Variants in BMPR2 observed in about 807,000 individuals in gnomAD.
The protein encoded by BMPR2 is bone morphogenetic protein receptor type 2.
BMPR2 carries 29 observed loss-of-function variants against 100.8 expected under a neutral mutation model. The observed-to-expected ratio is 0.29, with a 90% CI of 0.21 to 0.39. BMPR2 has a LOEUF of 0.39. Ranked by LOEUF, BMPR2 falls within the 10% of genes least tolerant of loss-of-function variation. The pLI is 1.00. For missense variants in BMPR2, 1,011 were observed against 1,274.5 expected, an observed-to-expected ratio of 0.79 and a Z score of 3.15; for synonymous variants, 382 against 442.3, an observed-to-expected ratio of 0.86 and a Z score of 1.71.
At chr2:202,432,279 A>G (rs1181359325) in intron 1 of BMPR2, among the ~76,000 whole-genome samples, 1 of 150,892 alleles carries the variant, frequency 6.6e-6, no homozygotes, top group Non-Finnish European at 1.5e-5. Context: ...ACATATAAGC[A>G]GAAAAGTAAT....
At chr2:202,513,866 A>C in intron 4 of BMPR2, 37 bp downstream of exon 4, 1 of 1,449,974 alleles carries the variant, frequency 6.9e-7, no homozygotes, top group Non-Finnish European at 9.7e-7. Flanking sequence ...TGTTTATTAA[A>C]CATGCAATTT....
Position 202,556,410 on chromosome 2 carries a change from T to TTG in BMPR2, c.2745_2746insTG (p.Leu916CysfsTer42). 1 of 1,614,174 alleles carries TTG rather than the reference T, an allele frequency of 6.2e-7. No homozygotes were observed. The highest frequency in any genetic ancestry group is 8.5e-7 in the Non-Finnish European group (1 of 1,180,032). On this transcript the variant is annotated frameshift_variant, in exon 12 of 13. Coordinates refer to ENST00000374580, the MANE Select transcript of BMPR2 (RefSeq NM_001204.7). LOFTEE classifies it high-confidence loss of function. Reference sequence around the variant, plus strand: ...GCAATCCATGTTCAGAACAAGATGTTCTTGCACAGGGTGTTCCAAGCACAG... The same window carrying TTG: ...GCAATCCATGTTCAGAACAAGATGTTTGCTTGCACAGGGTGTTCCAAGCACAG...
At position 202,555,862 on chromosome 2, in the gene BMPR2, T is replaced by A. The variant is rs1688559002; in HGVS notation, c.2197T>A (p.Leu733Met). ...ACAGACTGCAAATGGCCAAGCATGT[T>A]TGATTCCTGATGTTCTGCCTACTCA... ...FTQTANGQACLIPDVLPTQIY... is the reference protein window; with the variant it reads ...FTQTANGQACMIPDVLPTQIY... Residue 733 changes from leucine (L) to methionine (M), a missense_variant, in exon 12 of 13, where the codon TTG (leucine) becomes ATG (methionine). Leu to Met is a conservative substitution (Grantham distance 15). Around this residue, in one of 6 missense-constraint regions of BMPR2, gnomAD observed 508 missense variants for 552.0 expected, o/e 0.92. Transcript: ENST00000374580. 7 of 1,614,174 alleles carry A rather than the reference T, an allele frequency of 4.3e-6. No individual in the cohort carries two copies. Among genetic ancestry groups the A allele is most frequent in the Non-Finnish European group, 5.9e-6 (7 of 1,180,036 alleles).
At chr2:202,419,769 C>T (rs765927576) in intron 1 of BMPR2, among the ~76,000 whole-genome samples, 31 of 152,174 alleles carry the variant, frequency 2.0e-4, no homozygotes, top group Non-Finnish European at 4.0e-4. Context: ...AAGAAAACAG[C>T]GTCTTGTTGA....
At position 202,567,351 on chromosome 2, in the gene BMPR2, G is replaced by C. The variant is rs765547716; in HGVS notation, c.*7405G>C. On this transcript the variant is annotated 3_prime_UTR_variant, in exon 13 of 13. Transcript: ENST00000374580. ...CCTCAGAACCCTCTTTCTTGTTAAC[G>C]GGTATCTTTTGTTGGTGTGTTTTGC... is the stretch of plus-strand genomic sequence containing the variant. 3 of 152,520 alleles carry C rather than the reference G, an allele frequency of 2.0e-5. No homozygotes were observed. Among genetic ancestry groups the C allele is most frequent in the African/African-American group, 7.2e-5 (3 of 41,418 alleles). The allele number at this position is 152,520 out of a possible 1,614,324, so 9.4% of individuals were successfully genotyped here. A position where few individuals can be genotyped will look rare whatever the true frequency, so the allele number is the denominator to read the frequency against.
chr2:202,390,980 CTT>C (rs11459505), intron 1 of BMPR2, among the ~76,000 whole-genome samples: 23 of 51,928 alleles, frequency 4.4e-4, no homozygotes, highest in African/African-American at 1.6e-3. Context: ...AGTAAGTAGT[CTT>C]TTTTTTTTTT....
chr2:202,498,332 T>C (rs1693087797), intron 3 of BMPR2, among the ~76,000 whole-genome samples: 1 of 152,202 alleles, frequency 6.6e-6, no homozygotes, highest in Non-Finnish European at 1.5e-5. Flanking sequence ...CTCCATGTGG[T>C]CTGGGAGGAA....
At chr2:202,403,236 G>C (rs1690807247) in intron 1 of BMPR2, among the ~76,000 whole-genome samples, 1 of 117,926 alleles carries the variant, frequency 8.5e-6, no homozygotes, top group African/African-American at 3.4e-5. Context: ...GTCTTGCTCT[G>C]TTGCCCAGGC....
At chr2:202,469,221 TTTCTCCATG>T (rs1284701126) in intron 3 of BMPR2, among the ~76,000 whole-genome samples, 2 of 151,428 alleles carry the variant, frequency 1.3e-5, no homozygotes, top group African/African-American at 4.9e-5. Context: ...AGAGACGGGG[TTTCTCCATG>T]TTGGTCAGGC....
At chr2:202,515,175 G>T (rs750944678) in intron 5 of BMPR2, among the ~76,000 whole-genome samples, 196 bp downstream of exon 5, 13 of 152,150 alleles carry the variant, frequency 8.5e-5, no homozygotes, top group Non-Finnish European at 1.6e-4. Flanking sequence ...TTGAATTGGG[G>T]AGTCTACAGA....
intron 7 of BMPR2, among the ~76,000 whole-genome samples, chr2:202,528,250 T>C (rs943763383): frequency 1.3e-5 from 2 of 152,292 alleles, no homozygotes; most frequent in East Asian, 3.9e-4. Flanking sequence ...TACAATGGCG[T>C]GATCTCGGCT....
intron 7 of BMPR2, among the ~76,000 whole-genome samples, chr2:202,527,568 G>A (rs1465214220): frequency 6.7e-6 from 1 of 150,090 alleles, no homozygotes. Flanking sequence ...GGTGGATCAT[G>A]AGGTCAGGAG....
Position 202,542,297 on chromosome 2 carries a change from C to T in BMPR2, c.1277-14C>T. Reference sequence around the variant, plus strand: ...AGAAATTTTATTCTGTCATTCTTTTCTACAAATCCACAGGGGAATCCGTAC... The same window carrying T: ...AGAAATTTTATTCTGTCATTCTTTTTTACAAATCCACAGGGGAATCCGTAC... On this transcript the variant is annotated splice_polypyrimidine_tract_variant and intron_variant, in intron 9 of 12. Coordinates refer to ENST00000374580, the MANE Select transcript of BMPR2 (RefSeq NM_001204.7). 1 of 1,613,430 alleles carries T rather than the reference C, an allele frequency of 6.2e-7. No homozygotes were observed. Among genetic ancestry groups the T allele is most frequent in the Non-Finnish European group, 8.5e-7 (1 of 1,179,578 alleles).
intron 3 of BMPR2, among the ~76,000 whole-genome samples, chr2:202,480,953 T>TTA (rs1692647691): frequency 2.3e-5 from 1 of 43,348 alleles, no homozygotes; most frequent in African/African-American, 1.0e-4. Flanking sequence ...AGACTCCGTC[T>TTA]AAAAAAAAAA....
chr2:202,482,254 G>A (rs1692675150), intron 3 of BMPR2, among the ~76,000 whole-genome samples: 1 of 151,886 alleles, frequency 6.6e-6, no homozygotes, highest in African/African-American at 2.4e-5. Flanking sequence ...CTACCTCTTG[G>A]CTATTATGAA....
chr2:202,508,121 C>T (rs1283999994), intron 3 of BMPR2, among the ~76,000 whole-genome samples: 1 of 149,128 alleles, frequency 6.7e-6, no homozygotes, highest in Non-Finnish European at 1.5e-5. Flanking sequence ...ATTTTTGAGT[C>T]TCAGTCTGTC....
chr2:202,536,540 A>G (rs1688161703), intron 9 of BMPR2, among the ~76,000 whole-genome samples: 1 of 151,176 alleles, frequency 6.6e-6, no homozygotes, highest in Non-Finnish European at 1.5e-5. Flanking sequence ...CAATTGAGGC[A>G]TTTTTCTGAA....
rs1430598401 is a variant in BMPR2, at chr2:202,560,698, T to G, written c.*752T>G. The G allele has an allele frequency of 1.3e-5, 2 of 152,622 alleles. No individual in the cohort carries two copies. Among genetic ancestry groups the G allele is most frequent in the Non-Finnish European group, 2.9e-5 (2 of 68,020 alleles). The allele number at this position is 152,622 out of a possible 1,614,324, so 9.5% of individuals were successfully genotyped here. ...AAAGAAGGAACTACCAAAACCTGAC[T>G]TGAAATGCCATTTCTTTTAACCTTC... is the stretch of plus-strand genomic sequence containing the variant. On this transcript the variant is annotated 3_prime_UTR_variant, in exon 13 of 13. Transcript: ENST00000374580.
chr2:202,395,514 GT>G (rs1376746298), intron 1 of BMPR2, among the ~76,000 whole-genome samples: 1 of 152,170 alleles, frequency 6.6e-6, no homozygotes, highest in Non-Finnish European at 1.5e-5. Context: ...AAACATGATG[GT>G]TTATGCTCAA....
Sources: allele counts gnomAD v4.1 joint callset (sites outside exome capture counted in the v4.1 genomes callset), GRCh38; gene constraint gnomAD v4.1.1; regional missense constraint gnomAD v4.1.1; transcripts MANE v1.5; gene names NCBI Gene and HGNC (gene_info 2026-07-23, HGNC 2026-07-21).